GALNTL5: variants seen among roughly 807,000 people sequenced by gnomAD.
The protein encoded by GALNTL5 is inactive polypeptide N-acetylgalactosaminyltransferase-like protein 5.
GALNTL5 carries 44 observed loss-of-function variants against 51.0 expected under a neutral mutation model. The observed-to-expected ratio is 0.86, with a 90% confidence interval of 0.68 to 1.11. GALNTL5 has a LOEUF of 1.11. GALNTL5 is among the 50% of genes least tolerant of loss of function. GALNTL5 has a pLI of 0.00. For missense variants in GALNTL5, 528 were observed against 531.8 expected (o/e 0.99, Z 0.07); for synonymous variants, 192 against 182.8 (o/e 1.05, Z -0.41).
intron 8 of GALNTL5, among the ~76,000 whole-genome samples, chr7:152,018,949 G>A (rs1292829900): frequency 6.6e-6 from 1 of 152,176 alleles, no homozygotes; most frequent in African/African-American, 2.4e-5. Flanking sequence ...TTTGCGAAGG[G>A]CTTCAGTCTA....
chr7:151,997,303 G>A (rs2081512175), intron 5 of GALNTL5, among the ~76,000 whole-genome samples: 1 of 152,154 alleles, frequency 6.6e-6, no homozygotes. Flanking sequence ...TGAATGATAG[G>A]CCATCTCTAA....
Position 151,967,228 on chromosome 7 carries a change from T to A in GALNTL5, c.-19T>A. 6.2e-7 allele frequency: 1 copy of A among 1,601,824 alleles called. No individual in the cohort carries two copies. Among genetic ancestry groups the A allele is most frequent in the Non-Finnish European group, 8.5e-7 (1 of 1,174,200 alleles). On this transcript the variant is annotated 5_prime_UTR_variant, in exon 2 of 9. The change creates a premature stop within an existing upstream ORF in the 5' untranslated region. Coordinates refer to ENST00000392800, the MANE Select transcript of GALNTL5 (RefSeq NM_145292.4). ...TTTAGGAAATTGAAAAATGGACCTTTGAAAATGCTAGATTTACAATGAGAA... is the reference window on the plus strand; with the variant it reads ...TTTAGGAAATTGAAAAATGGACCTTAGAAAATGCTAGATTTACAATGAGAA...
intron 4 of GALNTL5, chr7:151,984,249 G>A (rs954563117): frequency 4.6e-5 from 7 of 152,122 alleles, no homozygotes; most frequent in African/African-American, 1.7e-4. Context: ...TGTGATACTA[G>A]CACTAGTTAA....
At chr7:151,987,099 CACTGTTTCAATT>C (rs2081368088) in intron 4 of GALNTL5, 48 bp from the exon 5 acceptor site, 1 of 1,383,800 alleles carries the variant, frequency 7.2e-7, no homozygotes, top group South Asian at 1.4e-5. Context: ...AATGATGATA[CACTGTTTCAATT>C]TCTATAGTTG....
intron 8 of GALNTL5, among the ~76,000 whole-genome samples, chr7:152,015,351 T>G (rs919931183): frequency 6.8e-6 from 1 of 148,092 alleles, no homozygotes; most frequent in East Asian, 2.0e-4. Flanking sequence ...CCCGTCCCCA[T>G]GTGCAACTCT....
Position 152,000,991 on chromosome 7 carries a change from C to T in GALNTL5, c.659-1723C>T, listed in dbSNP as rs561303609. 1.5e-4 allele frequency among the ~76,000 whole-genome samples: 22 copies of T among 150,310 alleles called. No individual in the cohort carries two copies. The East Asian group carries it at 2.9e-3, about 20-fold the overall frequency. On this transcript the variant is annotated intron_variant, in intron 5 of 8. Coordinates refer to ENST00000392800, the MANE Select transcript of GALNTL5 (RefSeq NM_145292.4). ...CACGATCTTGGCTCACTGCAACCTC[C>T]GCCTCCTGGGGTCAAGTGATTCTCC...
rs1028206921 is a variant in GALNTL5, at chr7:151,967,173, T to C, written c.-39-35T>C. 4 of 1,380,676 alleles carry C rather than the reference T, an allele frequency of 2.9e-6. No individual in the cohort carries two copies. The African/African-American group carries it at 5.8e-5, about 20-fold the overall frequency. 85.5% of individuals were successfully genotyped at this position (1,380,676 alleles called of 1,614,324 possible). ...AGGTGATCTACAAACCATTGGAATA[T>C]CTAATGCTGCTCCTCTTAAATCATT... On this transcript the variant is annotated intron_variant, in intron 1 of 8. Coordinates refer to ENST00000392800, the MANE Select transcript of GALNTL5 (RefSeq NM_145292.4).
chr7:152,003,484 A>T (rs1422580695), intron 6 of GALNTL5, among the ~76,000 whole-genome samples: 1 of 152,212 alleles, frequency 6.6e-6, no homozygotes, highest in Non-Finnish European at 1.5e-5. Context: ...TCATCTGTTA[A>T]ACAGTGATAG....
chr7:151,978,363 G>A (rs1292204902), intron 3 of GALNTL5, among the ~76,000 whole-genome samples: 1 of 152,092 alleles, frequency 6.6e-6, no homozygotes, highest in Non-Finnish European at 1.5e-5. Context: ...TTTCTAATGT[G>A]CTTAAAAGAT....
chr7:151,978,865 C>T (rs568665064), intron 3 of GALNTL5, among the ~76,000 whole-genome samples: 1 of 152,160 alleles, frequency 6.6e-6, no homozygotes, highest in Non-Finnish European at 1.5e-5. Flanking sequence ...TAGGGCCTAC[C>T]CTAATGAGCT....
intron 1 of GALNTL5, among the ~76,000 whole-genome samples, chr7:151,966,242 C>T (rs2081057802): frequency 6.6e-6 from 1 of 151,326 alleles, no homozygotes; most frequent in African/African-American, 2.4e-5. Flanking sequence ...TCAGTTGCAT[C>T]TAGTTTTCTT....
chr7:151,987,637 A>G (rs2081375561), intron 5 of GALNTL5, among the ~76,000 whole-genome samples: 2 of 150,526 alleles, frequency 1.3e-5, no homozygotes, highest in Admixed American at 6.7e-5. Flanking sequence ...GGCGGGAGGG[A>G]GCTGCAGCGC....
chr7:152,003,635 C>G (rs1041491150), intron 6 of GALNTL5, among the ~76,000 whole-genome samples: 45 of 151,976 alleles, frequency 3.0e-4, no homozygotes, highest in African/African-American at 1.1e-3. Flanking sequence ...GACTTTGGAA[C>G]AAAGAGGAAC....
rs2081316906 is a variant in GALNTL5, at chr7:151,983,212, C to T, written c.535+60C>T. On this transcript the variant is annotated intron_variant, in intron 4 of 8. Transcript: ENST00000392800. Reference sequence around the variant, plus strand: ...TTGTTGTTGTTGTTGAGATTTCCCTCTGTCACCCAGGCTGGAGTGCAGTGG... The same window carrying T: ...TTGTTGTTGTTGTTGAGATTTCCCTTTGTCACCCAGGCTGGAGTGCAGTGG... The T allele has an allele frequency of 3.5e-6, 5 of 1,448,434 alleles. No individual in the cohort carries two copies. The South Asian group carries it at 5.8e-5, about 17-fold the overall frequency. The allele number at this position is 1,448,434 out of a possible 1,614,324, so 89.7% of individuals were successfully genotyped here.
chr7:152,005,430 G>C (rs892783467), intron 6 of GALNTL5, among the ~76,000 whole-genome samples: 2 of 152,092 alleles, frequency 1.3e-5, no homozygotes, highest in South Asian at 4.1e-4. Flanking sequence ...CAACGTTTTC[G>C]GCCTGCACAC....
chr7:151,986,370 C>T (rs779903799), intron 4 of GALNTL5, among the ~76,000 whole-genome samples: 4 of 152,190 alleles, frequency 2.6e-5, no homozygotes, highest in Non-Finnish European at 4.4e-5. Flanking sequence ...CGTGGTGGCT[C>T]ACGCCTATAA....
At chr7:152,006,800 T>G (rs559756954) in intron 6 of GALNTL5, among the ~76,000 whole-genome samples, 19 of 152,018 alleles carry the variant, frequency 1.2e-4, no homozygotes, top group South Asian at 2.1e-4. Flanking sequence ...GCGGGACAGA[T>G]TCTCACTCTG....
intron 6 of GALNTL5, among the ~76,000 whole-genome samples, chr7:152,006,723 T>G (rs1015680966): frequency 1.3e-5 from 2 of 152,188 alleles, no homozygotes; most frequent in African/African-American, 2.4e-5. Context: ...AGGTGCTCAA[T>G]AAATACTTAT....
In GALNTL5 at chr7:152,012,274, C is replaced by A. The variant is rs942055681; in HGVS notation, c.1027-2370C>A. ...TTTATTGAACAAGATTTCAATCTAT[C>A]ACACCAAGTTTCTGGAATGACCAGC... is the stretch of plus-strand genomic sequence containing the variant. On this transcript the variant is annotated intron_variant, in intron 7 of 8. Coordinates refer to ENST00000392800, the MANE Select transcript of GALNTL5 (RefSeq NM_145292.4). 3.9e-5 allele frequency among the ~76,000 whole-genome samples: 6 copies of A among 152,296 alleles called. No individual in the cohort carries two copies. In the East Asian group the frequency reaches 1.2e-3, roughly 29 times the overall value.
Sources: allele counts gnomAD v4.1 joint callset (sites outside exome capture counted in the v4.1 genomes callset), GRCh38; gene constraint gnomAD v4.1.1; transcripts MANE v1.5; gene names NCBI Gene and HGNC (gene_info 2026-07-23, HGNC 2026-07-21).